The following CREB5 variants were observed in gnomAD, a reference collection of about 807,000 sequenced individuals.
CREB5 encodes the protein cyclic AMP-responsive element-binding protein 5.
In CREB5, 19 loss-of-function variants were observed where a neutral mutation model predicts 57.1. The observed-to-expected ratio is 0.33, with a 90% confidence interval of 0.23 to 0.49. The LOEUF is 0.49. CREB5 is among the 20% of genes least tolerant of loss of function. The pLI, the probability that CREB5 is intolerant of heterozygous loss-of-function variation, is 0.99. For missense variants in CREB5, 579 were observed against 671.6 expected (o/e 0.86, Z 1.52); for synonymous variants, 238 against 238.3 (o/e 1.00, Z 0.01).
chr7:28,311,235 C>T (rs1036195256), intron 1 of CREB5, among the ~76,000 whole-genome samples: 5 of 151,626 alleles, frequency 3.3e-5, no homozygotes, highest in African/African-American at 4.8e-5. Flanking sequence ...GCAATATAAA[C>T]GGCACTGTGA....
chr7:28,467,879 G>A (rs776563097), intron 1 of CREB5, among the ~76,000 whole-genome samples: 8 of 152,210 alleles, frequency 5.3e-5, no homozygotes, highest in Non-Finnish European at 1.2e-4. Flanking sequence ...TCTAGTTACA[G>A]GGAGATGGGT....
At chr7:28,530,073 G>T (rs549946862) in intron 4 of CREB5, among the ~76,000 whole-genome samples, 1 of 152,250 alleles carries the variant, frequency 6.6e-6, no homozygotes, top group East Asian at 1.9e-4. Context: ...GGCAGAGCTG[G>T]GATTTAAACT....
At chr7:28,596,094 C>A (rs1433879899) in intron 5 of CREB5, among the ~76,000 whole-genome samples, 1 of 152,124 alleles carries the variant, frequency 6.6e-6, no homozygotes, top group African/African-American at 2.4e-5. Flanking sequence ...AAGAGGCCAC[C>A]TTTTTGACCA....
In CREB5 at chr7:28,560,824, G is replaced by A. The variant is rs1795079433; in HGVS notation, c.292-9541G>A. On this transcript the variant is annotated intron_variant, in intron 4 of 10. Transcript: ENST00000357727. ...TGTGTGTGCGCGTGTGTGTGTGTGC[G>A]CGCGCGCGCGTGTGTGTGTGCGCGT... Among the ~76,000 whole-genome samples the A allele has an allele frequency of 1.8e-5, 2 of 110,788 alleles. 1 individual carries two copies. Among genetic ancestry groups the A allele is most frequent in the Admixed American group, 1.7e-4 (2 of 12,102 alleles). 72.7% of individuals were successfully genotyped at this position (110,788 alleles called of 152,430 possible). A position where few individuals can be genotyped will look rare whatever the true frequency, so the allele number is the denominator to read the frequency against.
intron 7 of CREB5, among the ~76,000 whole-genome samples, chr7:28,746,582 A>G (rs1804692606): frequency 6.6e-6 from 1 of 152,222 alleles, no homozygotes; most frequent in Non-Finnish European, 1.5e-5. Flanking sequence ...CTGTCCAAAG[A>G]CAGGAAGATT....
intron 4 of CREB5, among the ~76,000 whole-genome samples, chr7:28,554,122 C>T (rs529379767): frequency 6.6e-6 from 1 of 152,304 alleles, no homozygotes; most frequent in South Asian, 2.1e-4. Flanking sequence ...GTAATTCCTT[C>T]CCCTTTGCAG....
intron 7 of CREB5, among the ~76,000 whole-genome samples, chr7:28,793,775 G>A (rs2128793120): frequency 6.6e-6 from 1 of 152,326 alleles, no homozygotes; most frequent in South Asian, 2.1e-4. Context: ...ACTGCAAAAG[G>A]ACTGTTGTCA....
rs1265047502 is a variant in CREB5, at chr7:28,639,217, G to A, written c.464+68680G>A. Among the ~76,000 whole-genome samples the A allele has an allele frequency of 2.0e-5, 3 of 152,222 alleles. No individual in the cohort carries two copies. The East Asian group carries it at 5.8e-4, about 29-fold the overall frequency. On this transcript the variant is annotated intron_variant, in intron 5 of 10. Coordinates refer to ENST00000357727, the MANE Select transcript of CREB5 (RefSeq NM_182898.4). ...TTGGCTTTAATCTTATCTCTGTTTGGCCTTCAGCATTTTCTAGAATAAGTC... is the reference window on the plus strand; with the variant it reads ...TTGGCTTTAATCTTATCTCTGTTTGACCTTCAGCATTTTCTAGAATAAGTC...
intron 5 of CREB5, among the ~76,000 whole-genome samples, chr7:28,624,077 A>T (rs368698621): frequency 6.6e-6 from 1 of 152,216 alleles, no homozygotes; most frequent in Admixed American, 6.5e-5. Context: ...CTCTACAGGT[A>T]TTCAACCTAA....
chr7:28,490,615 T>C (rs1445488710), intron 2 of CREB5, among the ~76,000 whole-genome samples: 1 of 152,264 alleles, frequency 6.6e-6, no homozygotes, highest in Non-Finnish European at 1.5e-5. Context: ...TGGATAATTC[T>C]GTGTCTTGGG....
intron 5 of CREB5, among the ~76,000 whole-genome samples, chr7:28,635,233 C>T (rs1255118780): frequency 6.6e-6 from 1 of 152,128 alleles, no homozygotes; most frequent in Non-Finnish European, 1.5e-5. Flanking sequence ...TACCACAGGG[C>T]CACTGATATT....
chr7:28,728,123 C>G (rs943655640), intron 7 of CREB5, among the ~76,000 whole-genome samples: 6 of 152,086 alleles, frequency 3.9e-5, no homozygotes, highest in Non-Finnish European at 8.8e-5. Flanking sequence ...ATATTTTTGT[C>G]GAGACAGGAT....
At chr7:28,757,625 A>T (rs1447886547) in intron 7 of CREB5, among the ~76,000 whole-genome samples, 1 of 151,812 alleles carries the variant, frequency 6.6e-6, no homozygotes, top group Non-Finnish European at 1.5e-5. Flanking sequence ...GTGAGCCGAG[A>T]TCACGCCACT....
At chr7:28,783,685 G>T (rs1308133388) in intron 7 of CREB5, among the ~76,000 whole-genome samples, 1 of 152,128 alleles carries the variant, frequency 6.6e-6, no homozygotes, top group Non-Finnish European at 1.5e-5. Flanking sequence ...CAGGGGCCTT[G>T]GGGGGAGACC....
intron 1 of CREB5, among the ~76,000 whole-genome samples, chr7:28,460,941 T>C (rs1160020803): frequency 6.6e-6 from 1 of 151,842 alleles, no homozygotes; most frequent in African/African-American, 2.4e-5. Flanking sequence ...GTGCCTATAG[T>C]CCTAGCTACT....
chr7:28,543,223 GA>G (rs1794275235), intron 4 of CREB5, among the ~76,000 whole-genome samples: 1 of 152,162 alleles, frequency 6.6e-6, no homozygotes, highest in Non-Finnish European at 1.5e-5. Flanking sequence ...GACAGTGCAG[GA>G]AGGCATAAAA....
intron 7 of CREB5, among the ~76,000 whole-genome samples, chr7:28,788,848 C>T (rs1479722186): frequency 3.3e-5 from 5 of 151,408 alleles, no homozygotes; most frequent in African/African-American, 9.7e-5. Flanking sequence ...AAAAAAAAGC[C>T]ATGGAACATT....
chr7:28,400,857 G>A (rs1787447268), intron 1 of CREB5, among the ~76,000 whole-genome samples: 1 of 152,182 alleles, frequency 6.6e-6, no homozygotes, highest in South Asian at 2.1e-4. Flanking sequence ...ACAAAAAGAA[G>A]TGCTATGTGA....
intron 3 of CREB5, among the ~76,000 whole-genome samples, chr7:28,503,576 TC>T (rs1220986494): frequency 1.3e-5 from 2 of 152,058 alleles, no homozygotes; most frequent in Admixed American, 1.3e-4. Flanking sequence ...AAGAGAACAG[TC>T]ATCCTAGCAG....
Sources: allele counts gnomAD v4.1 joint callset (sites outside exome capture counted in the v4.1 genomes callset), GRCh38; gene constraint gnomAD v4.1.1; transcripts MANE v1.5; gene names NCBI Gene and HGNC (gene_info 2026-07-23, HGNC 2026-07-21).